Variants in ARMC9 observed in about 807,000 individuals in gnomAD.
ARMC9 encodes lisH domain-containing protein ARMC9.
ARMC9 carries 94 observed loss-of-function variants against 107.0 expected under a neutral mutation model. That is an observed-to-expected ratio of 0.88 (90% confidence interval 0.74 to 1.04). The LOEUF (loss-of-function observed/expected upper bound fraction) is 1.04, where lower values mean the gene tolerates loss of function less well. ARMC9 is among the 50% of genes least tolerant of loss of function. ARMC9 has a pLI of 0.00. For missense variants in ARMC9, 942 were observed against 1,030.1 expected (o/e 0.91, Z 1.17); for synonymous variants, 380 against 396.9 (o/e 0.96, Z 0.51).
chr2:231,244,348 A>G (rs1246754094), intron 9 of ARMC9, among the ~76,000 whole-genome samples: 1 of 150,288 alleles, frequency 6.7e-6, no homozygotes, highest in Non-Finnish European at 1.5e-5. Context: ...CAAAGCTTAT[A>G]TTGGAGAATG....
intron 7 of ARMC9, among the ~76,000 whole-genome samples, chr2:231,231,793 A>G (rs1158117323): frequency 1.3e-5 from 2 of 151,674 alleles, no homozygotes; most frequent in Non-Finnish European, 2.9e-5. Flanking sequence ...GGTTCAAGCA[A>G]TTGTCCTGCC....
At chr2:231,366,693 T>G (rs1188641120) in intron 23 of ARMC9, among the ~76,000 whole-genome samples, 1 of 151,084 alleles carries the variant, frequency 6.6e-6, no homozygotes, top group Non-Finnish European at 1.5e-5. Flanking sequence ...ATACAAAAAT[T>G]AGCCGGGCAT....
rs538054455 is a variant in ARMC9 at position 231,238,703 on chromosome 2, T to G, written c.781-1240T>G. On this transcript the variant is annotated intron_variant, in intron 8 of 24. Coordinates refer to ENST00000611582, the MANE Select transcript of ARMC9 (RefSeq NM_001352754.2). Reference sequence around the variant, plus strand: ...TACTATAGAAATTTACTATAGGAATTCAGAAGGAATGGACTCAGGATAATA... The same window carrying G: ...TACTATAGAAATTTACTATAGGAATGCAGAAGGAATGGACTCAGGATAATA... Among the ~76,000 whole-genome samples the G allele has an allele frequency of 2.0e-4, 31 of 152,314 alleles. 1 individual carries two copies. The South Asian group carries it at 6.4e-3, about 32-fold the overall frequency.
intron 5 of ARMC9, among the ~76,000 whole-genome samples, chr2:231,221,482 T>C (rs2034117863): frequency 6.6e-6 from 1 of 152,112 alleles, no homozygotes; most frequent in African/African-American, 2.4e-5. Context: ...ACACACACCT[T>C]ATAAACAAAG....
At chr2:231,366,883 C>G (rs1032650438) in intron 23 of ARMC9, among the ~76,000 whole-genome samples, 3 of 150,878 alleles carry the variant, frequency 2.0e-5, no homozygotes, top group African/African-American at 7.3e-5. Context: ...CGGAGTCTCG[C>G]TCTGTCGCCC....
chr2:231,273,185 A>G, intron 14 of ARMC9, 107 bp downstream of exon 14: 1 of 1,436,102 alleles, frequency 7.0e-7, no homozygotes, highest in Non-Finnish European at 9.4e-7. Context: ...CACTTTGGAG[A>G]GGTTGGATGA....
rs1474977641 is a variant in ARMC9, at chr2:231,372,700, GT to G, written c.*1166del. 2 of 3,312 alleles carry G rather than the reference GT, an allele frequency of 6.0e-4. No individual in the cohort carries two copies. The highest frequency in any genetic ancestry group is 4.3e-3 in the Admixed American group (1 of 234). 0.2% of individuals were successfully genotyped at this position (3,312 alleles called of 1,614,324 possible). ...AAATAAAACCCATCAGTATTTAGTG[GT>G]GTGTGTGTGTGTGTGTGTGTGTGTG... On this transcript the variant is annotated 3_prime_UTR_variant, in exon 25 of 25. Transcript: ENST00000611582.
chr2:231,354,084 C>T (rs1419765396), intron 21 of ARMC9, among the ~76,000 whole-genome samples: 1 of 150,902 alleles, frequency 6.6e-6, no homozygotes, highest in Non-Finnish European at 1.5e-5. Flanking sequence ...GCTGGAAAAC[C>T]TTCCCTCTTC....
chr2:231,201,799 G>A (rs1215502433), intron 1 of ARMC9, among the ~76,000 whole-genome samples: 1 of 152,188 alleles, frequency 6.6e-6, no homozygotes, highest in African/African-American at 2.4e-5. Context: ...AGCTGAAAGT[G>A]CCTGGAGAAG....
chr2:231,249,957 G>A (rs1411896155), intron 9 of ARMC9, among the ~76,000 whole-genome samples: 1 of 112,920 alleles, frequency 8.9e-6, no homozygotes, highest in Non-Finnish European at 1.9e-5. Flanking sequence ...CCGCCCACCC[G>A]TGCACACCTC....
intron 23 of ARMC9, among the ~76,000 whole-genome samples, chr2:231,365,162 G>A (rs1438252203): frequency 6.6e-6 from 1 of 152,236 alleles, no homozygotes; most frequent in Non-Finnish European, 1.5e-5. Context: ...GAGAAACCAT[G>A]TGGAAAGGAA....
At chr2:231,370,916 C>T in intron 24 of ARMC9, 1 of 344,996 alleles carries the variant, frequency 2.9e-6, no homozygotes, top group Non-Finnish European at 5.9e-6. Flanking sequence ...CCCCAGCCCG[C>T]CCCACCCTAC....
In ARMC9 at chr2:231,345,082, G is replaced by A. The variant is rs769300818; in HGVS notation, c.1986G>A (p.Gly662=). The stretch of plus-strand genomic sequence containing the variant: ...TCACCCCCGGCGGCCACAGAAACGG[G>A]TACCCAGTGTAAGTCAGGGCTAAAG... ...RPVTPGGHRN[G]YPVVEDQHTP... The change falls in exon 21 of 25, where the codon GGG becomes GGA. Residue 662 remains glycine (G), a synonymous_variant. Transcript: ENST00000611582. The A allele has an allele frequency of 2.5e-6, 4 of 1,613,656 alleles. No homozygotes were observed. The South Asian group carries it at 3.3e-5, about 13-fold the overall frequency.
At chr2:231,352,485 T>TTTTA (rs1553635568) in intron 21 of ARMC9, among the ~76,000 whole-genome samples, 4 of 151,496 alleles carry the variant, frequency 2.6e-5, no homozygotes, top group African/African-American at 9.7e-5. Context: ...TATTTTATTT[T>TTTTA]TTTATTTATT....
chr2:231,374,825 T>C lies in ARMC9; in HGVS notation c.*3290T>C, dbSNP rs1266142683. The C allele has an allele frequency of 6.6e-6, 1 of 152,162 alleles. No individual in the cohort carries two copies. The highest frequency in any genetic ancestry group is 2.4e-5 in the African/African-American group (1 of 41,448). 9.4% of individuals were successfully genotyped at this position (152,162 alleles called of 1,614,324 possible). ...TTAAATATTACATTAAAATATTACA[T>C]CATGTGTCTTCATTACTGAGTTTTG... On this transcript the variant is annotated 3_prime_UTR_variant, in exon 25 of 25. Transcript: ENST00000611582.
At chr2:231,212,916 C>T (rs2033066823) in intron 3 of ARMC9, among the ~76,000 whole-genome samples, 1 of 152,164 alleles carries the variant, frequency 6.6e-6, no homozygotes, top group Admixed American at 6.5e-5. Context: ...ATGTAACTGG[C>T]ACCTTCCAGC....
rs145592676 is a variant in ARMC9, at chr2:231,343,346, A to G, written c.1879-1629A>G. Among the ~76,000 whole-genome samples, 86 of 151,344 alleles carry G rather than the reference A, an allele frequency of 5.7e-4. 1 individual carries two copies. The highest frequency in any genetic ancestry group is 1.9e-3 in the African/African-American group (80 of 41,176). On this transcript the variant is annotated intron_variant, in intron 20 of 24. Transcript: ENST00000611582. ...CTGCCTAAGATACTAGATAAACACA[A>G]AGGAATTTTCAGCAGAAATCAAAGA... is the stretch of plus-strand genomic sequence containing the variant.
intron 8 of ARMC9, among the ~76,000 whole-genome samples, chr2:231,236,469 A>AT (rs2035727349): frequency 6.6e-6 from 1 of 152,200 alleles, no homozygotes; most frequent in Non-Finnish European, 1.5e-5. Flanking sequence ...TTTTTTAAAA[A>AT]TTGAAGTAAC....
intron 20 of ARMC9, among the ~76,000 whole-genome samples, chr2:231,343,049 G>A (rs956890272): frequency 3.9e-5 from 6 of 152,048 alleles, no homozygotes; most frequent in Non-Finnish European, 7.4e-5. Flanking sequence ...GAGTCACTGG[G>A]ATTACAGGCA....
Sources: gnomAD v4.1 joint callset for allele counts (sites outside exome capture counted in the v4.1 genomes callset) on GRCh38, gnomAD v4.1.1 for gene constraint, MANE v1.5 for transcripts, NCBI Gene and HGNC (gene_info 2026-07-23, HGNC 2026-07-21) for gene names.